The following DLC1 variants were observed in gnomAD, a reference collection of about 807,000 sequenced individuals.
DLC1 encodes the protein rho GTPase-activating protein 7.
In DLC1, 54 loss-of-function variants were observed where a neutral mutation model predicts 140.3. The observed-to-expected ratio is 0.38, with a 90% confidence interval of 0.31 to 0.48. The LOEUF is 0.48. Ranked by LOEUF, DLC1 falls within the 20% of genes least tolerant of loss-of-function variation. DLC1 has a pLI of 0.96. For synonymous variants in DLC1, 986 were observed against 728.1 expected, an observed-to-expected ratio of 1.35 and a Z score of -5.70; for missense variants, 2,536 against 1,907.0, an observed-to-expected ratio of 1.33 and a Z score of -6.14.
At position 13,108,873 on chromosome 8, in the gene DLC1, C is replaced by A. The variant is rs143327407; in HGVS notation, c.1502+1869G>T. On this transcript the variant is annotated intron_variant, in intron 7 of 17. Coordinates refer to ENST00000276297, the MANE Select transcript of DLC1 (RefSeq NM_182643.3). The stretch of plus-strand genomic sequence containing the variant: ...ATTCCAGATGCAGACTCCTTCCCCT[C>A]CCGAAACTGCATCTGGTTTCATTCC... Among the ~76,000 whole-genome samples, 5 of 152,260 alleles carry A rather than the reference C, an allele frequency of 3.3e-5. No individual in the cohort carries two copies. In the East Asian group the frequency reaches 7.7e-4, roughly 24 times the overall value.
intron 5 of DLC1, among the ~76,000 whole-genome samples, chr8:13,119,194 T>G (rs1345653685): frequency 6.8e-6 from 1 of 147,098 alleles, no homozygotes; most frequent in Non-Finnish European, 1.5e-5. Context: ...CACTACTGCA[T>G]TCCAACGTGA....
At chr8:13,371,061 T>A (rs573039167) in intron 4 of DLC1, among the ~76,000 whole-genome samples, 2 of 152,354 alleles carry the variant, frequency 1.3e-5, no homozygotes, top group South Asian at 4.1e-4. Context: ...TGGGTTGTTT[T>A]CAGATCAAGG....
chr8:13,192,484 A>G (rs946652441), intron 5 of DLC1, among the ~76,000 whole-genome samples: 2 of 152,186 alleles, frequency 1.3e-5, no homozygotes, highest in African/African-American at 4.8e-5. Context: ...ACACATGCGT[A>G]CATAGAAATG....
At chr8:13,136,746 G>A (rs1250473302) in intron 5 of DLC1, among the ~76,000 whole-genome samples, 1 of 152,160 alleles carries the variant, frequency 6.6e-6, no homozygotes, top group African/African-American at 2.4e-5. Context: ...TGTTGCTCAG[G>A]CTGCTCTTGA....
chr8:13,457,834 A>G (rs991796621), intron 2 of DLC1, among the ~76,000 whole-genome samples: 6 of 152,244 alleles, frequency 3.9e-5, no homozygotes, highest in African/African-American at 1.2e-4. Flanking sequence ...GCGTAGAAGG[A>G]AGAAAAACAT....
chr8:13,315,890 TCA>T (rs1446709696), intron 4 of DLC1, among the ~76,000 whole-genome samples: 5 of 152,232 alleles, frequency 3.3e-5, no homozygotes, highest in African/African-American at 1.2e-4. Context: ...TTAAAATTAT[TCA>T]GAGTGGGTTT....
At chr8:13,411,818 G>T (rs998107108) in intron 2 of DLC1, among the ~76,000 whole-genome samples, 1 of 152,056 alleles carries the variant, frequency 6.6e-6, no homozygotes, top group Non-Finnish European at 1.5e-5. Context: ...TTATCTGTCA[G>T]ATTAAAAATG....
chr8:13,597,410 G>C (rs1377514193), intron 1 of DLC1, among the ~76,000 whole-genome samples: 2 of 151,972 alleles, frequency 1.3e-5, no homozygotes, highest in Non-Finnish European at 2.9e-5. Context: ...TTGGCCACTT[G>C]AGTTAGTTCT....
At chr8:13,471,616 G>A (rs112813712) in intron 2 of DLC1, among the ~76,000 whole-genome samples, 67 of 151,812 alleles carry the variant, frequency 4.4e-4, no homozygotes, top group African/African-American at 1.4e-3. Context: ...GAAATGATCT[G>A]TACAACAAAA....
At chr8:13,277,264 G>C (rs1274580066) in intron 5 of DLC1, among the ~76,000 whole-genome samples, 1 of 152,070 alleles carries the variant, frequency 6.6e-6, no homozygotes, top group Admixed American at 6.5e-5. Flanking sequence ...GTGACCTGTG[G>C]TCACCCCCAC....
intron 2 of DLC1, among the ~76,000 whole-genome samples, chr8:13,468,811 CTTTT>C (rs78775803): frequency 2.2e-5 from 2 of 89,958 alleles, no homozygotes; most frequent in African/African-American, 5.0e-5. Context: ...TTTATGTCTG[CTTTT>C]TTTTTTTTTT....
chr8:13,175,059 G>T (rs912710686), intron 5 of DLC1, among the ~76,000 whole-genome samples: 2 of 152,058 alleles, frequency 1.3e-5, no homozygotes, highest in East Asian at 3.9e-4. Context: ...GAAAGGTAGG[G>T]GTCCATTCTT....
At chr8:13,086,023 A>G in intron 17 of DLC1, 92 bp from the exon 18 acceptor site, 1 of 1,534,742 alleles carries the variant, frequency 6.5e-7, no homozygotes, top group African/African-American at 1.4e-5. Flanking sequence ...GTTCAAATGC[A>G]TAAAATCTAT....
At chr8:13,525,955 G>A (rs2117295598) in intron 1 of DLC1, among the ~76,000 whole-genome samples, 1 of 152,146 alleles carries the variant, frequency 6.6e-6, no homozygotes, top group East Asian at 1.9e-4. Flanking sequence ...ATAGTATTAG[G>A]TTTTACACCT....
chr8:13,342,871 A>G (rs928855092), intron 4 of DLC1: 8 of 141,060 alleles, frequency 5.7e-5, no homozygotes, highest in Admixed American at 3.7e-4. Flanking sequence ...TGCGTCCAAC[A>G]TATCCATTTG....
At chr8:13,342,815 C>CA (rs1834131214) in intron 4 of DLC1, 1 of 146,124 alleles carries the variant, frequency 6.8e-6, no homozygotes, top group African/African-American at 2.5e-5. Flanking sequence ...GCTTTGCCTC[C>CA]AACATATCCA....
chr8:13,445,671 T>C (rs757778239), intron 2 of DLC1, among the ~76,000 whole-genome samples: 1 of 152,150 alleles, frequency 6.6e-6, no homozygotes, highest in Non-Finnish European at 1.5e-5. Flanking sequence ...AACTTTATTA[T>C]AGGGAGGCCG....
At chr8:13,311,841 G>A (rs1832673916) in intron 4 of DLC1, among the ~76,000 whole-genome samples, 1 of 152,134 alleles carries the variant, frequency 6.6e-6, no homozygotes, top group South Asian at 2.1e-4. Context: ...TGAAAGTTGG[G>A]ATTCTGACCT....
At chr8:13,127,799 G>A (rs1394019500) in intron 5 of DLC1, among the ~76,000 whole-genome samples, 2 of 152,194 alleles carry the variant, frequency 1.3e-5, no homozygotes, top group Non-Finnish European at 2.9e-5. Flanking sequence ...TTTCTGACAA[G>A]CTTCAGGAAG....
Sources: allele counts gnomAD v4.1 joint callset (sites outside exome capture counted in the v4.1 genomes callset), GRCh38; gene constraint gnomAD v4.1.1; transcripts MANE v1.5; gene names NCBI Gene and HGNC (gene_info 2026-07-23, HGNC 2026-07-21).